RBMS1: variants seen among roughly 807,000 people sequenced by gnomAD.
RBMS1 encodes the protein RNA binding motif single stranded interacting protein 1.
In RBMS1, 17 loss-of-function variants were observed where a neutral mutation model predicts 62.3. That is an observed-to-expected ratio of 0.27 (90% CI 0.19 to 0.41). The LOEUF (loss-of-function observed/expected upper bound fraction) is 0.41, where lower values mean the gene tolerates loss of function less well. RBMS1 is among the 10% of genes least tolerant of loss of function. RBMS1 has a pLI of 1.00. For missense variants in RBMS1, 334 were observed against 504.5 expected (o/e 0.66, Z 3.24); for synonymous variants, 172 against 170.0 (o/e 1.01, Z -0.09).
intron 1 of RBMS1, among the ~76,000 whole-genome samples, chr2:160,455,841 G>A (rs1405754858): frequency 6.6e-6 from 1 of 151,678 alleles, no homozygotes; most frequent in Non-Finnish European, 1.5e-5. Flanking sequence ...CCGCTACCAC[G>A]CCCGGCTAAT....
intron 1 of RBMS1, among the ~76,000 whole-genome samples, chr2:160,492,018 T>C (rs1284078071): frequency 6.6e-6 from 1 of 152,168 alleles, no homozygotes; most frequent in African/African-American, 2.4e-5. Context: ...AATACAGGGC[T>C]ATGTCGTAAG....
intron 1 of RBMS1, among the ~76,000 whole-genome samples, chr2:160,453,464 A>G (rs1684083687): frequency 6.6e-6 from 1 of 152,130 alleles, no homozygotes; most frequent in Admixed American, 6.5e-5. Flanking sequence ...TTTCCAAATT[A>G]TCCCTGTAAG....
intron 1 of RBMS1, among the ~76,000 whole-genome samples, chr2:160,417,574 G>A (rs1002981440): frequency 1.3e-5 from 2 of 152,170 alleles, no homozygotes; most frequent in African/African-American, 4.8e-5. Flanking sequence ...ACCACTGATT[G>A]TGAGCTGCCT....
chr2:160,325,414 T>A (rs755236000), intron 2 of RBMS1, among the ~76,000 whole-genome samples: 10 of 152,138 alleles, frequency 6.6e-5, no homozygotes, highest in Non-Finnish European at 1.0e-4. Context: ...AAGGTATCTA[T>A]TTGAGGGAAA....
intron 7 of RBMS1, among the ~76,000 whole-genome samples, chr2:160,286,306 T>C (rs1268576711): frequency 6.7e-6 from 1 of 148,624 alleles, no homozygotes; most frequent in Non-Finnish European, 1.5e-5. Flanking sequence ...TTCCTTTCTT[T>C]TTTTTTTTTT....
intron 1 of RBMS1, among the ~76,000 whole-genome samples, chr2:160,375,025 C>A (rs532082925): frequency 1.2e-4 from 18 of 152,132 alleles, no homozygotes; most frequent in African/African-American, 4.3e-4. Context: ...GAGTATTATC[C>A]CTGGAAGGCT....
At chr2:160,359,876 A>G (rs72974956) in intron 2 of RBMS1, among the ~76,000 whole-genome samples, 1,919 of 152,316 alleles carry the variant, frequency 0.013, 30 homozygotes, top group Middle Eastern at 0.061. Context: ...GAGATGTACA[A>G]ATAATGAATA....
At chr2:160,396,725 C>T (rs1171064652) in intron 1 of RBMS1, among the ~76,000 whole-genome samples, 4 of 151,934 alleles carry the variant, frequency 2.6e-5, no homozygotes, top group Admixed American at 6.6e-5. Flanking sequence ...CCACCAAGCC[C>T]GGCTGATTTT....
chr2:160,274,037 T>C lies in RBMS1; in HGVS notation c.*735A>G, dbSNP rs1016409471. ...CAAAATTTCAGCAACTTTTATTGACTACCTTTTAAAAGCCCTATGCTGCTG... is the reference window on the plus strand; with the variant it reads ...CAAAATTTCAGCAACTTTTATTGACCACCTTTTAAAAGCCCTATGCTGCTG... On this transcript the variant is annotated 3_prime_UTR_variant, in exon 14 of 14. Coordinates refer to ENST00000348849, the MANE Select transcript of RBMS1 (RefSeq NM_016836.4). The C allele has an allele frequency of 3.3e-5, 5 of 152,662 alleles. No individual in the cohort carries two copies. Among genetic ancestry groups the C allele is most frequent in the Admixed American group, 6.5e-5 (1 of 15,276 alleles). 9.5% of individuals were successfully genotyped at this position (152,662 alleles called of 1,614,324 possible). A position where few individuals can be genotyped will look rare whatever the true frequency, so the allele number is the denominator to read the frequency against.
intron 1 of RBMS1, among the ~76,000 whole-genome samples, chr2:160,384,638 A>G (rs1024106149): frequency 6.6e-6 from 1 of 152,218 alleles, no homozygotes; most frequent in Non-Finnish European, 1.5e-5. Context: ...AAAGCTTCCA[A>G]GTCTCATCTC....
At chr2:160,413,483 A>G (rs1317553278) in intron 1 of RBMS1, among the ~76,000 whole-genome samples, 1 of 152,234 alleles carries the variant, frequency 6.6e-6, no homozygotes, top group Non-Finnish European at 1.5e-5. Context: ...AAAAATCTGC[A>G]ATTCTTATTC....
At chr2:160,316,557 T>A (rs1690233524) in intron 3 of RBMS1, among the ~76,000 whole-genome samples, 1 of 152,234 alleles carries the variant, frequency 6.6e-6, no homozygotes, top group Admixed American at 6.5e-5. Flanking sequence ...GTTTATTTTT[T>A]ACCCATACCT....
chr2:160,365,435 T>C (rs556212812), intron 2 of RBMS1, among the ~76,000 whole-genome samples: 1 of 152,276 alleles, frequency 6.6e-6, no homozygotes, highest in Non-Finnish European at 1.5e-5. Flanking sequence ...AGAAAATCCA[T>C]ACATGTCAAA....
intron 1 of RBMS1, among the ~76,000 whole-genome samples, chr2:160,447,621 T>C (rs893974256): frequency 1.3e-5 from 2 of 152,222 alleles, no homozygotes; most frequent in African/African-American, 2.4e-5. Context: ...AGGCCAGCAA[T>C]GTGGCCTTCA....
At chr2:160,471,186 AG>A (rs1196266510) in intron 1 of RBMS1, among the ~76,000 whole-genome samples, 1 of 152,218 alleles carries the variant, frequency 6.6e-6, no homozygotes, top group African/African-American at 2.4e-5. Flanking sequence ...AAAACTCAAA[AG>A]GGCAATAAAT....
chr2:160,408,263 C>CTT (rs1695877611), intron 1 of RBMS1, among the ~76,000 whole-genome samples: 2 of 151,998 alleles, frequency 1.3e-5, no homozygotes, highest in African/African-American at 4.8e-5. Context: ...GGGGACCACT[C>CTT]TGGCACCTCG....
intron 5 of RBMS1, among the ~76,000 whole-genome samples, chr2:160,301,262 C>A (rs1009268083): frequency 6.6e-6 from 1 of 152,220 alleles, no homozygotes; most frequent in Non-Finnish European, 1.5e-5. Context: ...GTGAAGTCAA[C>A]TATATACTTT....
intron 1 of RBMS1, among the ~76,000 whole-genome samples, chr2:160,455,908 C>G (rs975038583): frequency 1.3e-5 from 2 of 151,962 alleles, no homozygotes; most frequent in African/African-American, 2.4e-5. Flanking sequence ...TGGTCTCGAT[C>G]TCCTGACCTC....
At chr2:160,486,726 A>G (rs1685616299) in intron 1 of RBMS1, among the ~76,000 whole-genome samples, 1 of 152,240 alleles carries the variant, frequency 6.6e-6, no homozygotes, top group Non-Finnish European at 1.5e-5. Context: ...AAGATCAGGA[A>G]TAATTTTTTA....
Sources: allele counts gnomAD v4.1 joint callset (sites outside exome capture counted in the v4.1 genomes callset), GRCh38; gene constraint gnomAD v4.1.1; transcripts MANE v1.5; gene names NCBI Gene and HGNC (gene_info 2026-07-23, HGNC 2026-07-21).